Variants in PLCE1 observed in about 807,000 individuals in gnomAD.
PLCE1 encodes the protein 1-phosphatidylinositol 4,5-bisphosphate phosphodiesterase epsilon-1.
Under a neutral mutation model 242.8 loss-of-function variants are expected in PLCE1, and 119 were observed. The ratio of observed to expected loss-of-function variants is 0.49; its 90% CI spans 0.42 to 0.57. PLCE1 has a LOEUF of 0.57. Among genes scored for constraint, PLCE1 ranks in the 20% least tolerant of loss-of-function variants. The pLI is 0.00. For synonymous variants in PLCE1, 945 were observed against 1,017.4 expected, an observed-to-expected ratio of 0.93 and a Z score of 1.35; for missense variants, 2,441 against 2,788.8, an observed-to-expected ratio of 0.88 and a Z score of 2.81.
At chr10:94,193,812 T>C (rs563712466) in intron 4 of PLCE1, among the ~76,000 whole-genome samples, 2 of 152,358 alleles carry the variant, frequency 1.3e-5, no homozygotes, top group South Asian at 4.1e-4. Flanking sequence ...AATCCACTTC[T>C]GCAAGTAAGT....
chr10:94,101,793 G>A (rs1203857493), intron 2 of PLCE1, among the ~76,000 whole-genome samples: 1 of 152,194 alleles, frequency 6.6e-6, no homozygotes, highest in Non-Finnish European at 1.5e-5. Context: ...GTGTGGAGGC[G>A]CTGAAGGGGT....
At chr10:94,028,864 C>A (rs1469248817) in intron 1 of PLCE1, among the ~76,000 whole-genome samples, 1 of 152,030 alleles carries the variant, frequency 6.6e-6, no homozygotes, top group East Asian at 1.9e-4. Context: ...TCACTTGAAC[C>A]CAGGCTGGTT....
intron 30 of PLCE1, among the ~76,000 whole-genome samples, chr10:94,322,610 C>A (rs953532981): frequency 2.0e-5 from 3 of 152,034 alleles, no homozygotes; most frequent in Admixed American, 1.3e-4. Flanking sequence ...CATGGTGAAA[C>A]CCCATCTCTA....
At chr10:94,140,934 GC>G (rs1470566450) in intron 3 of PLCE1, among the ~76,000 whole-genome samples, 1 of 152,204 alleles carries the variant, frequency 6.6e-6, no homozygotes, top group Non-Finnish European at 1.5e-5. Flanking sequence ...TTCATTAGCT[GC>G]CCACTGTGGC....
intron 5 of PLCE1, among the ~76,000 whole-genome samples, chr10:94,227,661 A>G (rs117665803): frequency 1.3e-5 from 2 of 152,282 alleles, no homozygotes; most frequent in East Asian, 3.9e-4. Context: ...TCACAATCCT[A>G]CTTCACTGGG....
At chr10:94,036,374 C>T (rs532234087) in intron 2 of PLCE1, among the ~76,000 whole-genome samples, 1 of 152,194 alleles carries the variant, frequency 6.6e-6, no homozygotes, top group Non-Finnish European at 1.5e-5. Flanking sequence ...AACAATCCTT[C>T]CCACACATTT....
chr10:94,158,361 C>T (rs2047497459), intron 3 of PLCE1, among the ~76,000 whole-genome samples: 1 of 152,164 alleles, frequency 6.6e-6, no homozygotes, highest in Middle Eastern at 3.2e-3. Flanking sequence ...TGAGACAACA[C>T]ACTATTATAA....
rs1018380003 is a variant in PLCE1 at position 94,225,237 on chromosome 10, A to C, written c.1810-2069A>C. The stretch of plus-strand genomic sequence containing the variant: ...TAGGGATAGGAAAGAGGTGTGAGCA[A>C]CCATTCATTTTGTTTTTTTCATCTC... On this transcript the variant is annotated intron_variant, in intron 4 of 32. Coordinates refer to ENST00000371380, the MANE Select transcript of PLCE1 (RefSeq NM_016341.4). 4 of 152,178 alleles carry C rather than the reference A, an allele frequency of 2.6e-5. No individual in the cohort carries two copies. In the East Asian group the frequency reaches 7.7e-4, roughly 29 times the overall value. 9.4% of individuals were successfully genotyped at this position (152,178 alleles called of 1,614,324 possible).
At chr10:94,277,217 C>T (rs1220892901) in intron 19 of PLCE1, among the ~76,000 whole-genome samples, 2 of 152,132 alleles carry the variant, frequency 1.3e-5, no homozygotes, top group African/African-American at 4.8e-5. Context: ...TGACATTCCT[C>T]TCCTGAATTT....
In PLCE1 at chr10:94,171,256, C is replaced by T. The variant is rs2047966560; in HGVS notation, c.1569C>T (p.Ile523=). The T allele has an allele frequency of 7.4e-6, 12 of 1,614,020 alleles. No individual in the cohort carries two copies. Among genetic ancestry groups the T allele is most frequent in the Middle Eastern group, 3.3e-4 (2 of 6,084 alleles). ...CAGCTGGGATCAGCAAGGAGCTGATCGATCTGCAGCCTCTCATCCAGTTCC... is the reference window on the plus strand; with the variant it reads ...CAGCTGGGATCAGCAAGGAGCTGATTGATCTGCAGCCTCTCATCCAGTTCC... The part of the protein sequence containing the change: ...SSSAGISKEL[I]DLQPLIQFPE... Residue 523 remains isoleucine, a synonymous_variant, in exon 4 of 33, where the codon ATC becomes ATT. Coordinates refer to ENST00000371380, the MANE Select transcript of PLCE1 (RefSeq NM_016341.4).
chr10:94,288,933 C>T (rs558564038), intron 22 of PLCE1, among the ~76,000 whole-genome samples: 102 of 152,292 alleles, frequency 6.7e-4, no homozygotes, highest in African/African-American at 2.3e-3. Flanking sequence ...CAGCTTTGGG[C>T]TAGCTGGGTG....
In PLCE1 at chr10:94,324,331, T is replaced by C. The variant is rs1480349093; in HGVS notation, c.6502-18T>C. ...AGATTCTGTGTCTTTATTCAGTTGA[T>C]CATAACTTACCTTTCAGACCTTATG... On this transcript the variant is annotated intron_variant, in intron 30 of 32. Transcript: ENST00000371380. The C allele has an allele frequency of 6.3e-7, 1 of 1,588,210 alleles. No individual in the cohort carries two copies. The highest frequency in any genetic ancestry group is 8.6e-7 in the Non-Finnish European group (1 of 1,156,434).
chr10:94,193,438 G>A lies in PLCE1; in HGVS notation c.1809+21942G>A, dbSNP rs78511815. ...ATAGGATGACATGTAGAAGTTTGTG[G>A]CAGAAGGGATATATAAAAGCTTTTC... On this transcript the variant is annotated intron_variant, in intron 4 of 32. Transcript: ENST00000371380. Among the ~76,000 whole-genome samples, 548 of 152,314 alleles carry A rather than the reference G, an allele frequency of 3.6e-3. 6 individuals carry two copies. Among genetic ancestry groups the A allele is most frequent in the African/African-American group, 0.013 (522 of 41,566 alleles).
chr10:93,996,740 G>T (rs999751345), intron 1 of PLCE1, among the ~76,000 whole-genome samples: 3 of 152,170 alleles, frequency 2.0e-5, no homozygotes, highest in Admixed American at 1.3e-4. Context: ...GCCCTCGGAG[G>T]CTACATTGTC....
intron 13 of PLCE1, among the ~76,000 whole-genome samples, chr10:94,262,193 G>A (rs2051326212): frequency 6.6e-6 from 1 of 151,792 alleles, no homozygotes; most frequent in Non-Finnish European, 1.5e-5. Flanking sequence ...TAGAGACGGG[G>A]ATTCACCATG....
intron 3 of PLCE1, among the ~76,000 whole-genome samples, chr10:94,166,731 T>C (rs990243326): frequency 4.6e-5 from 7 of 152,188 alleles, no homozygotes; most frequent in African/African-American, 1.7e-4. Context: ...AGCTTGTCTT[T>C]AAGCAAAATG....
chr10:94,158,959 C>T (rs963543127), intron 3 of PLCE1, among the ~76,000 whole-genome samples: 9 of 149,428 alleles, frequency 6.0e-5, no homozygotes, highest in African/African-American at 2.0e-4. Context: ...TGGGTTCGAG[C>T]GATTCTCCCG....
At chr10:94,257,635 G>T (rs1318651906) in intron 11 of PLCE1, among the ~76,000 whole-genome samples, 1 of 152,186 alleles carries the variant, frequency 6.6e-6, no homozygotes, top group African/African-American at 2.4e-5. Flanking sequence ...CATAGATGAA[G>T]CTGGAAACCA....
intron 3 of PLCE1, among the ~76,000 whole-genome samples, chr10:94,142,670 T>C (rs973321288): frequency 6.6e-6 from 1 of 152,244 alleles, no homozygotes; most frequent in Non-Finnish European, 1.5e-5. Context: ...CACCACCATC[T>C]TGAAATGCCA....
Sources: allele counts gnomAD v4.1 joint callset (sites outside exome capture counted in the v4.1 genomes callset), GRCh38; gene constraint gnomAD v4.1.1; transcripts MANE v1.5; gene names NCBI Gene and HGNC (gene_info 2026-07-23, HGNC 2026-07-21).